Variants in NFIB observed in about 807,000 individuals in gnomAD.
NFIB encodes nuclear factor 1 B-type.
Under a neutral mutation model 61.5 loss-of-function variants are expected in NFIB, and 11 were observed. That is an observed-to-expected ratio of 0.18 (90% CI 0.11 to 0.30). The LOEUF (loss-of-function observed/expected upper bound fraction) is 0.30. Among genes scored for constraint, NFIB ranks in the 10% least tolerant of loss-of-function variants. NFIB has a pLI of 1.00. For missense variants in NFIB, 471 were observed against 608.9 expected (o/e 0.77, Z 2.38); for synonymous variants, 260 against 216.5 (o/e 1.20, Z -1.76).
chr9:14,315,547 G>T (rs1283656252), upstream of NFIB, among the ~76,000 whole-genome samples: 1 of 143,498 alleles, frequency 7.0e-6, no homozygotes, highest in East Asian at 2.1e-4. Context: ...GCTGCGGGGC[G>T]GGCCGGCGGG....
chr9:14,223,776 A>G (rs998219015), intron 2 of NFIB, among the ~76,000 whole-genome samples: 2 of 152,208 alleles, frequency 1.3e-5, no homozygotes, highest in African/African-American at 4.8e-5. Flanking sequence ...AATATACTAA[A>G]TCAAAATCTA....
intron 6 of NFIB, among the ~76,000 whole-genome samples, chr9:14,130,518 T>C (rs556886524): frequency 6.6e-6 from 1 of 152,332 alleles, no homozygotes; most frequent in South Asian, 2.1e-4. Flanking sequence ...CTTTTGTTTG[T>C]ATCTTATATT....
At chr9:14,124,650 C>T (rs1377551852) in intron 7 of NFIB, among the ~76,000 whole-genome samples, 1 of 152,126 alleles carries the variant, frequency 6.6e-6, no homozygotes, top group Non-Finnish European at 1.5e-5. Flanking sequence ...ACTTTTTCCA[C>T]CTAAAATGCA....
chr9:14,231,134 AAATATATATAT>A (rs1434025297), intron 2 of NFIB, among the ~76,000 whole-genome samples: 22 of 73,996 alleles, frequency 3.0e-4, no homozygotes, highest in African/African-American at 6.4e-4. Context: ...AAAAAAAAAA[AAATATATATAT>A]ATATATATAT....
At position 14,324,706 on chromosome 9, in the gene NFIB, T is replaced by C. The variant is rs1384625506; in HGVS notation, c.109-17186A>G. Among the ~76,000 whole-genome samples the C allele has an allele frequency of 3.3e-5, 5 of 152,272 alleles. No individual in the cohort carries two copies. The East Asian group carries it at 9.6e-4, about 29-fold the overall frequency. ...ATTTCTATCTAAGCATTTTATTTAG[T>C]CATAAAATGTACCATTGTGTGTCAT... On this transcript the variant is annotated intron_variant, in intron 1 of 8. Coordinates refer to the NFIB transcript ENST00000380934.
At chr9:14,149,211 G>C (rs2042600357) in intron 5 of NFIB, among the ~76,000 whole-genome samples, 1 of 152,088 alleles carries the variant, frequency 6.6e-6, no homozygotes, top group South Asian at 2.1e-4. Context: ...AACCGGAACT[G>C]ATATAAAATT....
intron 6 of NFIB, among the ~76,000 whole-genome samples, chr9:14,143,858 G>A (rs2042006050): frequency 6.6e-6 from 1 of 152,110 alleles, no homozygotes; most frequent in African/African-American, 2.4e-5. Flanking sequence ...CAAAAGGACT[G>A]CATTGGGCTT....
chr9:14,282,512 T>A (rs191137707), intron 2 of NFIB, among the ~76,000 whole-genome samples: 1 of 152,384 alleles, frequency 6.6e-6, no homozygotes, highest in East Asian at 1.9e-4. Flanking sequence ...ACAAGTGATG[T>A]GACTTTCTAA....
At chr9:14,115,176 T>TA (rs796885573) in intron 9 of NFIB, among the ~76,000 whole-genome samples, 2,011 of 141,634 alleles carry the variant, frequency 0.014, 37 homozygotes, top group African/African-American at 0.04. Context: ...TCAGAAACCA[T>TA]AAAAAAAAAA....
At chr9:14,477,837 T>C in the NFIB span, among the ~76,000 whole-genome samples, 1 of 152,174 alleles carries the variant, frequency 6.6e-6, no homozygotes, top group South Asian at 2.1e-4. Context: ...AATATCTAGA[T>C]TCGTTAATCT....
intron 6 of NFIB, among the ~76,000 whole-genome samples, chr9:14,133,219 G>T (rs964842163): frequency 3.9e-5 from 6 of 152,056 alleles, no homozygotes; most frequent in African/African-American, 1.4e-4. Flanking sequence ...CAAAAACTCT[G>T]AATATTGAAA....
intron 2 of NFIB, among the ~76,000 whole-genome samples, chr9:14,237,842 A>AGTGT (rs200054648): frequency 0.055 from 2,888 of 52,506 alleles, 623 homozygotes; most frequent in Middle Eastern, 0.083. Flanking sequence ...TAGGTATAAC[A>AGTGT]GTGTGTGTGT....
intron 1 of NFIB, among the ~76,000 whole-genome samples, chr9:14,386,172 C>T (rs1233318506): frequency 3.3e-5 from 5 of 152,288 alleles, no homozygotes; most frequent in Admixed American, 3.3e-4. Flanking sequence ...GTATATATTA[C>T]ATACACTTGT....
chr9:14,242,437 T>C lies in NFIB; in HGVS notation c.563-62657A>G, dbSNP rs1205933991. On this transcript the variant is annotated intron_variant, in intron 2 of 10. Transcript: ENST00000380953. ...GGGATTTAGATCACCCATGCCTAAC[T>C]TTTTCAGGGCATCATGATCTCTCCC... Among the ~76,000 whole-genome samples the C allele has an allele frequency of 3.9e-5, 6 of 152,162 alleles. No individual in the cohort carries two copies. The East Asian group carries it at 1.2e-3, about 29-fold the overall frequency.
intron 1 of NFIB, among the ~76,000 whole-genome samples, chr9:14,323,595 C>T (rs1226518314): frequency 6.6e-6 from 1 of 152,198 alleles, no homozygotes; most frequent in African/African-American, 2.4e-5. Flanking sequence ...ACGACGATAG[C>T]TTCAGGTATT....
chr9:14,184,197 T>C (rs984966726), intron 2 of NFIB, among the ~76,000 whole-genome samples: 4 of 152,214 alleles, frequency 2.6e-5, no homozygotes, highest in Non-Finnish European at 2.9e-5. Flanking sequence ...GCATAGCAAC[T>C]ATTAAAACTT....
intron 10 of NFIB, among the ~76,000 whole-genome samples, chr9:14,098,969 GA>G (rs2035309821): frequency 6.6e-6 from 1 of 152,168 alleles, no homozygotes; most frequent in South Asian, 2.1e-4. Flanking sequence ...GTGGATGGAG[GA>G]AATCTTCCAG....
chr9:14,358,818 T>C (rs2061206348), intron 1 of NFIB, among the ~76,000 whole-genome samples: 1 of 152,248 alleles, frequency 6.6e-6, no homozygotes, highest in African/African-American at 2.4e-5. Context: ...AGAAATTTCA[T>C]GTGCCAGTTG....
the NFIB span, among the ~76,000 whole-genome samples, chr9:14,526,499 T>C: frequency 6.6e-6 from 1 of 152,204 alleles, no homozygotes; most frequent in African/African-American, 2.4e-5. Context: ...GCAGAACTTC[T>C]TGTGAAAAGA....
Sources: gnomAD v4.1 joint callset for allele counts (sites outside exome capture counted in the v4.1 genomes callset) on GRCh38, gnomAD v4.1.1 for gene constraint, MANE v1.5 for transcripts, NCBI Gene and HGNC (gene_info 2026-07-23, HGNC 2026-07-21) for gene names.